ZC3H4: variants seen among roughly 807,000 people sequenced by gnomAD.
ZC3H4 encodes the protein zinc finger CCCH domain-containing protein 4.
A neutral mutation model predicts 108.3 loss-of-function variants in ZC3H4; 13 were observed. The ratio of observed to expected loss-of-function variants is 0.12; its 90% CI spans 0.08 to 0.19. The LOEUF (loss-of-function observed/expected upper bound fraction) is 0.19. Among genes scored for constraint, ZC3H4 ranks in the 10% least tolerant of loss-of-function variants. ZC3H4 has a pLI of 1.00. For synonymous variants in ZC3H4, 917 were observed against 749.6 expected, an observed-to-expected ratio of 1.22 and a Z score of -3.65; for missense variants, 1,734 against 1,838.8, an observed-to-expected ratio of 0.94 and a Z score of 1.04.
At chr19:47,075,197 C>T (rs552158054) in intron 11 of ZC3H4, among the ~76,000 whole-genome samples, 1 of 152,152 alleles carries the variant, frequency 6.6e-6, no homozygotes, top group Non-Finnish European at 1.5e-5. Context: ...CCCCTCTGTC[C>T]TTCTGAACCC....
rs746035519 is a variant in ZC3H4, at chr19:47,086,505, C to A, written c.749G>T (p.Arg250Leu). Residue 250 changes from arginine to leucine, a missense_variant, in exon 6 of 15, where the codon CGA (arginine) becomes CTA (leucine). This residue lies in a region of ZC3H4 where 403 missense variants were observed against 457.0 expected (regional missense o/e 0.88). Coordinates refer to ENST00000253048, the MANE Select transcript of ZC3H4 (RefSeq NM_015168.2). ...SRGRGRGYRG[R>L]GSRGGSRGRG... Reference sequence around the variant, plus strand: ...GCCTCGCGATCCTCCACGGCTTCCTCGGCCCCTGTAGCCCCGGCCCCGGCC... The same window carrying A: ...GCCTCGCGATCCTCCACGGCTTCCTAGGCCCCTGTAGCCCCGGCCCCGGCC... 1.2e-6 allele frequency: 2 copies of A among 1,605,876 alleles called. No homozygotes were observed. Among genetic ancestry groups the A allele is most frequent in the Non-Finnish European group, 8.5e-7 (1 of 1,178,736 alleles).
intron 2 of ZC3H4, among the ~76,000 whole-genome samples, chr19:47,107,304 G>C (rs1423307051): frequency 6.6e-6 from 1 of 152,078 alleles, no homozygotes; most frequent in Non-Finnish European, 1.5e-5. Context: ...AGGGAAAGCA[G>C]GAAGATTCAC....
rs186735777 is a variant in ZC3H4 at position 47,071,292 on chromosome 19, G to A, written c.2146+486C>T. 4.2e-3 allele frequency among the ~76,000 whole-genome samples: 632 copies of A among 152,218 alleles called. 5 individuals are homozygous for A. The highest frequency in any genetic ancestry group is 0.017 in the Middle Eastern group (5 of 294). ...CCACATCTCCTATGGCTGCAGCAGC[G>A]TCATCTAAACCCCTCTGCTCACTGG... is the stretch of plus-strand genomic sequence containing the variant. On this transcript the variant is annotated intron_variant, in intron 13 of 14. Coordinates refer to ENST00000253048, the MANE Select transcript of ZC3H4 (RefSeq NM_015168.2).
intron 2 of ZC3H4, chr19:47,096,762 T>C: frequency 2.0e-6 from 2 of 977,302 alleles, no homozygotes; most frequent in Non-Finnish European, 2.4e-6. Context: ...CCCAGGCCAC[T>C]AATATTTTAA....
At chr19:47,094,146 T>C (rs1377607856) in intron 3 of ZC3H4, 66 bp from the exon 4 acceptor site, 2 of 1,503,198 alleles carry the variant, frequency 1.3e-6, no homozygotes, top group African/African-American at 2.7e-5. Flanking sequence ...ACAGTCAGCC[T>C]CAGGACAAAC....
chr19:47,070,805 G>A (rs548158804), intron 13 of ZC3H4, among the ~76,000 whole-genome samples: 6 of 152,238 alleles, frequency 3.9e-5, no homozygotes, highest in Non-Finnish European at 7.4e-5. Context: ...TGACTATGCC[G>A]CACGTCCAGC....
intron 6 of ZC3H4, 99 bp from the exon 7 acceptor site, chr19:47,085,513 C>G: frequency 9.1e-7 from 1 of 1,099,988 alleles, no homozygotes; most frequent in Non-Finnish European, 1.3e-6. Context: ...TGGTGACCAT[C>G]CAGGGGACTC....
intron 2 of ZC3H4, among the ~76,000 whole-genome samples, chr19:47,104,090 A>G (rs2057938913): frequency 6.6e-6 from 1 of 152,130 alleles, no homozygotes; most frequent in African/African-American, 2.4e-5. Context: ...AGGCCAAGAC[A>G]GGTGGATCAC....
chr19:47,112,052 A>C (rs1362725159), intron 2 of ZC3H4: 2 of 904,006 alleles, frequency 2.2e-6, no homozygotes, highest in East Asian at 1.1e-4. Flanking sequence ...GCGCAGGGGC[A>C]GCCAGGACCC....
intron 9 of ZC3H4, among the ~76,000 whole-genome samples, chr19:47,082,962 C>T (rs1429181709): frequency 6.6e-6 from 1 of 152,206 alleles, no homozygotes; most frequent in African/African-American, 2.4e-5. Context: ...TCATTCAGTC[C>T]TCAGGAATCA....
At chr19:47,079,752 C>T (rs1033863345) in intron 11 of ZC3H4, among the ~76,000 whole-genome samples, 3 of 152,062 alleles carry the variant, frequency 2.0e-5, no homozygotes, top group African/African-American at 7.2e-5. Flanking sequence ...CTGGGCGCAG[C>T]GGCATGCGCC....
intron 2 of ZC3H4, among the ~76,000 whole-genome samples, chr19:47,104,666 G>A (rs964171955): frequency 6.6e-6 from 1 of 152,228 alleles, no homozygotes; most frequent in Non-Finnish European, 1.5e-5. Flanking sequence ...TGGATGCACA[G>A]ACTGAACAGA....
In ZC3H4 at chr19:47,067,472, C is replaced by A; in HGVS notation, c.2796G>T (p.Leu932=). The stretch of plus-strand genomic sequence containing the variant: ...GGGGAATGTTCACGGCCTTCTCCCG[C>A]AGGGCCCGCTCCCCTTCCTCCTCCT... ...PTEEEEGERA[L]REKAVNIPLD... Residue 932 remains leucine (L), a synonymous_variant, in exon 15 of 15, where the codon CTG becomes CTT. Transcript: ENST00000253048. This position sits in a 1 kb window ranked among gnomAD's most constrained non-coding sequence, Gnocchi z 6.4. The A allele has an allele frequency of 1.3e-6, 2 of 1,582,128 alleles. No individual in the cohort carries two copies. The highest frequency in any genetic ancestry group is 1.7e-6 in the Non-Finnish European group (2 of 1,162,814).
chr19:47,090,799 C>T (rs555974940), intron 4 of ZC3H4, among the ~76,000 whole-genome samples: 4 of 152,216 alleles, frequency 2.6e-5, no homozygotes, highest in Non-Finnish European at 5.9e-5. Flanking sequence ...AACTATACAA[C>T]CCTAAGTAAT....
At chr19:47,084,577 G>A in intron 8 of ZC3H4, 122 bp from the exon 9 acceptor site, 11 of 914,734 alleles carry the variant, frequency 1.2e-5, no homozygotes, top group Non-Finnish European at 1.7e-5. Flanking sequence ...CAAGAGCACC[G>A]ATGGGCAGGC....
intron 5 of ZC3H4, among the ~76,000 whole-genome samples, chr19:47,088,289 T>C (rs542295181): frequency 2.6e-5 from 4 of 152,186 alleles, no homozygotes; most frequent in African/African-American, 9.6e-5. Context: ...GGCTCACGCC[T>C]GTAATCCCAG....
intron 2 of ZC3H4, among the ~76,000 whole-genome samples, chr19:47,108,507 A>G (rs2057995797): frequency 6.6e-6 from 1 of 152,198 alleles, no homozygotes; most frequent in Non-Finnish European, 1.5e-5. Flanking sequence ...AAGGTAAAAG[A>G]TCTAAGAGCA....
At position 47,066,775 on chromosome 19, in the gene ZC3H4, C is replaced by T. The variant is rs1396335539; in HGVS notation, c.3493G>A (p.Ala1165Thr). The change falls in exon 15 of 15, where the codon GCT (alanine) becomes ACT (threonine). Residue 1165 changes from alanine (A) to threonine (T), a missense_variant. Transcript: ENST00000253048. ...NAGGKATEPA[A>T]DTGAQPKGAE... ...CCCTTGGGCTGGGCACCCGTGTCAG[C>T]AGCCGGCTCTGTGGCTTTGCCCCCC... 1.2e-6 allele frequency: 2 copies of T among 1,602,132 alleles called. No individual in the cohort carries two copies. Among genetic ancestry groups the T allele is most frequent in the Middle Eastern group, 1.6e-4 (1 of 6,076 alleles).
chr19:47,107,261 CT>C (rs1386841687), intron 2 of ZC3H4, among the ~76,000 whole-genome samples: 2 of 152,206 alleles, frequency 1.3e-5, no homozygotes, highest in African/African-American at 4.8e-5. Context: ...TATACACCAA[CT>C]GTAAAAGTTC....
Sources: gnomAD v4.1 joint callset for allele counts (sites outside exome capture counted in the v4.1 genomes callset) on GRCh38, gnomAD v4.1.1 for gene constraint, gnomAD v4.1.1 regional missense constraint, Gnocchi (gnomAD v3.1) non-coding constraint, MANE v1.5 for transcripts, NCBI Gene and HGNC (gene_info 2026-07-23, HGNC 2026-07-21) for gene names.